The following DAP variants were observed in gnomAD, a reference collection of about 807,000 sequenced individuals.
The protein encoded by DAP is death associated protein.
In DAP, 8 loss-of-function variants were observed where a neutral mutation model predicts 13.8. The observed-to-expected ratio is 0.58, with a 90% CI of 0.34 to 1.05. The LOEUF is 1.05. Ranked by LOEUF, DAP falls within the 50% of genes least tolerant of loss-of-function variation. The pLI is 0.03. For synonymous variants in DAP, 47 were observed against 47.5 expected (o/e 0.99, Z 0.04); for missense variants, 106 against 133.2 (o/e 0.80, Z 1.01).
chr5:10,735,841 T>G (rs1739596739), intron 2 of DAP, among the ~76,000 whole-genome samples: 2 of 152,222 alleles, frequency 1.3e-5, no homozygotes, highest in African/African-American at 4.8e-5. Context: ...AGCTGACGCC[T>G]AGTAGCACAA....
At chr5:10,713,194 C>G (rs1738895357) in intron 2 of DAP, among the ~76,000 whole-genome samples, 1 of 152,152 alleles carries the variant, frequency 6.6e-6, no homozygotes, top group South Asian at 2.1e-4. Context: ...GCAAAGGTTA[C>G]AGGGTGGGGA....
chr5:10,741,371 TG>T (rs1253716747), intron 2 of DAP, among the ~76,000 whole-genome samples: 1 of 152,070 alleles, frequency 6.6e-6, no homozygotes, highest in East Asian at 1.9e-4. Context: ...GCAGGTGCGG[TG>T]GGGGGCTGTG....
intron 2 of DAP, among the ~76,000 whole-genome samples, chr5:10,695,376 T>C (rs969512242): frequency 6.6e-6 from 1 of 152,254 alleles, no homozygotes; most frequent in Non-Finnish European, 1.5e-5. Flanking sequence ...GAGTGGCTAA[T>C]TGTCACGAGT....
At chr5:10,756,305 T>TGG (rs1740180283) in intron 1 of DAP, among the ~76,000 whole-genome samples, 1 of 100,968 alleles carries the variant, frequency 9.9e-6, no homozygotes, top group Admixed American at 9.5e-5. Context: ...TCCTGACTGG[T>TGG]TGACACTGGG....
intron 2 of DAP, among the ~76,000 whole-genome samples, chr5:10,687,934 G>C (rs796933942): frequency 7.2e-6 from 1 of 138,700 alleles, no homozygotes; most frequent in East Asian, 2.0e-4. Context: ...TTTTTACAGA[G>C]GGAGAGGGTC....
At chr5:10,749,149 T>C (rs947116807) in intron 1 of DAP, among the ~76,000 whole-genome samples, 1 of 152,246 alleles carries the variant, frequency 6.6e-6, no homozygotes, top group African/African-American at 2.4e-5. Context: ...AAGTATCTCA[T>C]TCCTCTTCTT....
intron 2 of DAP, among the ~76,000 whole-genome samples, chr5:10,694,387 TAC>T (rs3836779): frequency 6.4e-4 from 95 of 148,912 alleles, no homozygotes; most frequent in Non-Finnish European, 7.2e-4. Flanking sequence ...TATATGTGCA[TAC>T]ACACACACAC....
chr5:10,706,519 GC>G (rs1243133935), intron 2 of DAP, among the ~76,000 whole-genome samples: 3 of 152,158 alleles, frequency 2.0e-5, no homozygotes, highest in Admixed American at 6.5e-5. Context: ...ATGCATTAAT[GC>G]CTTATATGGC....
At chr5:10,723,085 T>C (rs533555321) in intron 2 of DAP, among the ~76,000 whole-genome samples, 2 of 152,320 alleles carry the variant, frequency 1.3e-5, no homozygotes, top group South Asian at 2.1e-4. Context: ...TATAGACAGA[T>C]ATGCCTTATG....
At chr5:10,735,196 C>A (rs1739578210) in intron 2 of DAP, among the ~76,000 whole-genome samples, 1 of 151,970 alleles carries the variant, frequency 6.6e-6, no homozygotes. Context: ...GAAAAAATAA[C>A]CTCTGGAGGC....
rs5745189 is a variant in DAP, at chr5:10,760,539, G to A, written c.55+475C>T. The stretch of plus-strand genomic sequence containing the variant: ...GTGAAAGTCATATTGAGTGATTAAT[G>A]ATAAAAATTATTTCCGCTCCTTGGT... On this transcript the variant is annotated intron_variant, in intron 1 of 3. Coordinates refer to ENST00000230895, the MANE Select transcript of DAP (RefSeq NM_004394.3). Among the ~76,000 whole-genome samples the A allele has an allele frequency of 5.3e-5, 8 of 152,320 alleles. 1 individual carries two copies. In the South Asian group the frequency reaches 1.7e-3, roughly 32 times the overall value.
At position 10,730,037 on chromosome 5, in the gene DAP, C is replaced by T. The variant is rs540457856; in HGVS notation, c.152+18138G>A. 2.6e-5 allele frequency among the ~76,000 whole-genome samples: 4 copies of T among 152,244 alleles called. No individual in the cohort carries two copies. The South Asian group carries it at 6.2e-4, about 24-fold the overall frequency. On this transcript the variant is annotated intron_variant, in intron 2 of 3. Coordinates refer to ENST00000230895, the MANE Select transcript of DAP (RefSeq NM_004394.3). ...AATTCAATCAGGCTGTCCTCACAGG[C>T]GGTTTTCTCAGGAGATAAAGACCCT... is the stretch of plus-strand genomic sequence containing the variant.
chr5:10,744,099 C>G (rs1450522706), intron 2 of DAP, among the ~76,000 whole-genome samples: 1 of 152,046 alleles, frequency 6.6e-6, no homozygotes, highest in Admixed American at 6.6e-5. Context: ...TCTCTGTAAT[C>G]AGTACTTGAT....
intron 2 of DAP, among the ~76,000 whole-genome samples, chr5:10,703,298 C>A (rs1048185352): frequency 9.9e-5 from 15 of 152,152 alleles, no homozygotes; most frequent in African/African-American, 3.6e-4. Context: ...TCAGAAGACA[C>A]GTAATCCAAG....
intron 2 of DAP, among the ~76,000 whole-genome samples, chr5:10,724,004 T>C (rs1360315474): frequency 6.6e-6 from 1 of 152,036 alleles, no homozygotes; most frequent in Non-Finnish European, 1.5e-5. Flanking sequence ...AAAAAACATA[T>C]AGCAAAAAAG....
chr5:10,717,624 T>C (rs757894712), intron 2 of DAP, among the ~76,000 whole-genome samples: 3 of 152,186 alleles, frequency 2.0e-5, no homozygotes, highest in Non-Finnish European at 4.4e-5. Context: ...TCTGAGGCAG[T>C]TGCCAGGCAA....
chr5:10,760,975 C>CG lies in DAP; in HGVS notation c.55+38dup, dbSNP rs1003025609. On this transcript the variant is annotated intron_variant, in intron 1 of 3. Coordinates refer to ENST00000230895, the MANE Select transcript of DAP (RefSeq NM_004394.3). The stretch of plus-strand genomic sequence containing the variant: ...GCGCCCCCGGGTTCGAGCCCGCCCC[C>CG]GGCACCCGCGCGTGGAGAGAGAGGA... 6 of 1,196,292 alleles carry CG rather than the reference C, an allele frequency of 5.0e-6. No homozygotes were observed. In the African/African-American group the frequency reaches 9.6e-5, roughly 19 times the overall value. 74.1% of individuals were successfully genotyped at this position (1,196,292 alleles called of 1,614,324 possible).
chr5:10,685,662 G>A (rs141019528), intron 2 of DAP, among the ~76,000 whole-genome samples: 3 of 152,288 alleles, frequency 2.0e-5, no homozygotes, highest in Non-Finnish European at 2.9e-5. Context: ...AGGCACAGCC[G>A]TCTTTCCGTA....
chr5:10,748,039 G>A (rs557679304), intron 2 of DAP, 136 bp downstream of exon 2: 70 of 645,968 alleles, frequency 1.1e-4, no homozygotes, highest in Admixed American at 5.0e-4. Context: ...TCCCTGATTA[G>A]GAAGGGAAAA....
Sources: gnomAD v4.1 joint callset for allele counts (sites outside exome capture counted in the v4.1 genomes callset) on GRCh38, gnomAD v4.1.1 for gene constraint, MANE v1.5 for transcripts, NCBI Gene and HGNC (gene_info 2026-07-23, HGNC 2026-07-21) for gene names.